MAML2: variants seen among roughly 807,000 people sequenced by gnomAD.
MAML2 encodes the protein mastermind-like protein 2.
Under a neutral mutation model 96.1 loss-of-function variants are expected in MAML2, and 22 were observed. The observed-to-expected ratio is 0.23, with a 90% CI of 0.16 to 0.33. The LOEUF (loss-of-function observed/expected upper bound fraction) is 0.33. Ranked by LOEUF, MAML2 falls within the 10% of genes least tolerant of loss-of-function variation. The pLI, the probability that MAML2 is intolerant of heterozygous loss-of-function variation, is 1.00. For missense variants in MAML2, 1,367 were observed against 1,392.4 expected, an observed-to-expected ratio of 0.98 and a Z score of 0.29; for synonymous variants, 561 against 521.3, an observed-to-expected ratio of 1.08 and a Z score of -1.04.
At chr11:96,314,369 T>C (rs866044555) in intron 1 of MAML2, among the ~76,000 whole-genome samples, 1 of 152,184 alleles carries the variant, frequency 6.6e-6, no homozygotes, top group African/African-American at 2.4e-5. Context: ...TAACTCTGAG[T>C]GGTAGTTTGG....
At chr11:96,064,465 A>G (rs948853379) in intron 2 of MAML2, among the ~76,000 whole-genome samples, 4 of 152,244 alleles carry the variant, frequency 2.6e-5, no homozygotes, top group African/African-American at 9.6e-5. Context: ...CCGAATGTGG[A>G]AAAATAGTTG....
intron 1 of MAML2, among the ~76,000 whole-genome samples, chr11:96,294,874 T>C (rs1229231006): frequency 2.0e-5 from 3 of 152,174 alleles, no homozygotes; most frequent in African/African-American, 7.2e-5. Flanking sequence ...CAGCATGGGA[T>C]TGGGGGACCC....
intron 1 of MAML2, among the ~76,000 whole-genome samples, chr11:96,152,842 C>A (rs192053976): frequency 6.6e-6 from 1 of 152,194 alleles, no homozygotes; most frequent in Non-Finnish European, 1.5e-5. Flanking sequence ...GTGACCAGCT[C>A]TCAATGACAA....
intron 1 of MAML2, among the ~76,000 whole-genome samples, chr11:96,258,848 T>C (rs1228211438): frequency 6.6e-6 from 1 of 152,204 alleles, no homozygotes; most frequent in Non-Finnish European, 1.5e-5. Flanking sequence ...TTCCTTTTTA[T>C]TTATTTGGTT....
chr11:96,096,569 T>G (rs1015724338), intron 1 of MAML2, among the ~76,000 whole-genome samples: 7 of 152,184 alleles, frequency 4.6e-5, no homozygotes, highest in African/African-American at 1.7e-4. Flanking sequence ...GCACAGCCTG[T>G]GCTCTGTAGT....
intron 1 of MAML2, among the ~76,000 whole-genome samples, chr11:96,228,888 T>C (rs1027073966): frequency 6.6e-6 from 1 of 152,178 alleles, no homozygotes; most frequent in Non-Finnish European, 1.5e-5. Flanking sequence ...CATATCTATG[T>C]TCACGCGGTC....
intron 2 of MAML2, among the ~76,000 whole-genome samples, chr11:96,064,752 T>C (rs145738520): frequency 2.0e-5 from 3 of 152,324 alleles, no homozygotes; most frequent in South Asian, 2.1e-4. Context: ...TTCTTCAAAA[T>C]AGCGTGTGAG....
chr11:96,112,886 C>T (rs532230608), intron 1 of MAML2, among the ~76,000 whole-genome samples: 2 of 152,174 alleles, frequency 1.3e-5, no homozygotes, highest in African/African-American at 2.4e-5. Context: ...AGTGTGAGGG[C>T]CACTTGGTCA....
At position 95,997,482 on chromosome 11, in the gene MAML2, C is replaced by A. The variant is rs1005804230; in HGVS notation, c.2140-5759G>T. Among the ~76,000 whole-genome samples, 5 of 152,234 alleles carry A rather than the reference C, an allele frequency of 3.3e-5. No individual in the cohort carries two copies. In the East Asian group the frequency reaches 9.7e-4, roughly 29 times the overall value. The stretch of plus-strand genomic sequence containing the variant: ...CTTTTTATAAGGTTCAATCAATCAA[C>A]CTGTCTTTAGAATTATTAAGTTCAC... On this transcript the variant is annotated intron_variant, in intron 2 of 4. Coordinates refer to ENST00000524717, the MANE Select transcript of MAML2 (RefSeq NM_032427.4).
chr11:96,126,907 G>GC (rs1301942178), intron 1 of MAML2, among the ~76,000 whole-genome samples: 1 of 79,100 alleles, frequency 1.3e-5, no homozygotes, highest in African/African-American at 6.0e-5. Flanking sequence ...TATGGACATG[G>GC]GGGGGGTCAA....
At chr11:96,133,265 C>A (rs1195279040) in intron 1 of MAML2, among the ~76,000 whole-genome samples, 4 of 152,172 alleles carry the variant, frequency 2.6e-5, no homozygotes, top group Admixed American at 2.6e-4. Flanking sequence ...CAGTGTTCTG[C>A]AACCTATATT....
At chr11:96,184,560 A>C (rs1163235084) in intron 1 of MAML2, among the ~76,000 whole-genome samples, 1 of 151,868 alleles carries the variant, frequency 6.6e-6, no homozygotes, top group Non-Finnish European at 1.5e-5. Flanking sequence ...TTCCAAATGG[A>C]ATGCAAGCAA....
intron 2 of MAML2, among the ~76,000 whole-genome samples, chr11:96,074,213 C>T (rs1467075114): frequency 6.6e-6 from 1 of 152,182 alleles, no homozygotes; most frequent in African/African-American, 2.4e-5. Context: ...GAAACTGAGG[C>T]AGAGTGGCTA....
intron 2 of MAML2, among the ~76,000 whole-genome samples, chr11:96,001,747 C>T (rs1858081749): frequency 6.6e-6 from 1 of 152,174 alleles, no homozygotes; most frequent in Admixed American, 6.5e-5. Flanking sequence ...CATAGCTCTT[C>T]ACTAACTTTG....
At chr11:96,236,526 T>G (rs918718450) in intron 1 of MAML2, among the ~76,000 whole-genome samples, 1 of 152,188 alleles carries the variant, frequency 6.6e-6, no homozygotes, top group African/African-American at 2.4e-5. Flanking sequence ...CAGAAATCAT[T>G]CGTTCTTAGT....
chr11:96,328,642 C>G (rs1439250883), intron 1 of MAML2, among the ~76,000 whole-genome samples: 1 of 152,042 alleles, frequency 6.6e-6, no homozygotes, highest in Non-Finnish European at 1.5e-5. Flanking sequence ...ACTGTGTTAC[C>G]GTAAAAATTC....
intron 2 of MAML2, among the ~76,000 whole-genome samples, chr11:96,077,280 G>A (rs1194608813): frequency 7.1e-6 from 1 of 141,224 alleles, no homozygotes; most frequent in African/African-American, 2.7e-5. Flanking sequence ...GAGTGCAGTG[G>A]TGCGATCTAG....
intron 1 of MAML2, among the ~76,000 whole-genome samples, chr11:96,252,114 T>C (rs1047734897): frequency 3.3e-5 from 5 of 152,172 alleles, no homozygotes; most frequent in Middle Eastern, 6.8e-3. Context: ...TGGGTCTAAA[T>C]ACTTTTTCCC....
chr11:96,203,892 C>T (rs1401696841), intron 1 of MAML2, among the ~76,000 whole-genome samples: 1 of 152,218 alleles, frequency 6.6e-6, no homozygotes, highest in African/African-American at 2.4e-5. Context: ...TTTCTCCTTT[C>T]TAATCTACTG....
Sources: gnomAD v4.1 joint callset for allele counts (sites outside exome capture counted in the v4.1 genomes callset) on GRCh38, gnomAD v4.1.1 for gene constraint, MANE v1.5 for transcripts, NCBI Gene and HGNC (gene_info 2026-07-23, HGNC 2026-07-21) for gene names.